The following MGMT variants were observed in gnomAD, a reference collection of about 807,000 sequenced individuals.
MGMT encodes the protein methylated-DNA--protein-cysteine methyltransferase.
MGMT carries 14 observed loss-of-function variants against 15.9 expected under a neutral mutation model. The ratio of observed to expected loss-of-function variants is 0.88; its 90% CI spans 0.58 to 1.37. The LOEUF (loss-of-function observed/expected upper bound fraction) is 1.37. Ranked by LOEUF, MGMT falls within the 40% of genes most tolerant of loss-of-function variation. The pLI is 0.00. For synonymous variants in MGMT, 130 were observed against 118.2 expected, an observed-to-expected ratio of 1.10 and a Z score of -0.65; for missense variants, 282 against 268.1, an observed-to-expected ratio of 1.05 and a Z score of -0.36.
At chr10:129,507,408 C>T (rs1384782499) in intron 1 of MGMT, among the ~76,000 whole-genome samples, 1 of 152,162 alleles carries the variant, frequency 6.6e-6, no homozygotes, top group Non-Finnish European at 1.5e-5. Flanking sequence ...GTGCGGGCCG[C>T]CCTGTGCACA....
rs527635245 is a variant in MGMT, at chr10:129,509,219, T to G, written c.-12-27022T>G. On this transcript the variant is annotated intron_variant, in intron 1 of 4. Transcript: ENST00000651593. ...ACTCAGAAGTGCCTGGAATCTATAT[T>G]GCTTTAAGGTGTGGGATGAAGTTTC... 1.4e-4 allele frequency among the ~76,000 whole-genome samples: 22 copies of G among 152,348 alleles called. No individual in the cohort carries two copies. The South Asian group carries it at 4.6e-3, about 32-fold the overall frequency.
intron 2 of MGMT, among the ~76,000 whole-genome samples, chr10:129,605,790 T>G (rs1846882402): frequency 6.6e-6 from 1 of 152,228 alleles, no homozygotes; most frequent in Admixed American, 6.5e-5. Flanking sequence ...TCTTGCGGGT[T>G]AATTCGGAAT....
intron 4 of MGMT, among the ~76,000 whole-genome samples, chr10:129,764,371 C>T (rs774656864): frequency 1.3e-5 from 2 of 152,230 alleles, no homozygotes; most frequent in Non-Finnish European, 2.9e-5. Context: ...ACGTGTGTAG[C>T]TGGGCCCCAC....
At chr10:129,708,177 C>T (rs1487689996) in intron 3 of MGMT, 134 bp downstream of exon 3, 13 of 1,256,840 alleles carry the variant, frequency 1.0e-5, no homozygotes, top group East Asian at 4.7e-5. Context: ...AGCGTTTGGC[C>T]GAGCTGGAGG....
chr10:129,558,134 G>A (rs1467385231), intron 2 of MGMT, among the ~76,000 whole-genome samples: 2 of 152,186 alleles, frequency 1.3e-5, no homozygotes, highest in African/African-American at 2.4e-5. Flanking sequence ...TGTGGATGGG[G>A]TCGGGGTATT....
chr10:129,733,987 G>T (rs1263015464), intron 3 of MGMT, among the ~76,000 whole-genome samples: 1 of 151,060 alleles, frequency 6.6e-6, no homozygotes, highest in African/African-American at 2.4e-5. Context: ...TTGAAGTCAG[G>T]TAGTGTGATG....
At chr10:129,474,388 G>T (rs553088370) in intron 1 of MGMT, among the ~76,000 whole-genome samples, 9 of 152,312 alleles carry the variant, frequency 5.9e-5, no homozygotes, top group African/African-American at 2.2e-4. Flanking sequence ...CTTCTGGTGA[G>T]AGCGGAGCAG....
intron 3 of MGMT, among the ~76,000 whole-genome samples, chr10:129,712,324 A>G (rs1848241877): frequency 6.6e-6 from 1 of 152,202 alleles, no homozygotes. Context: ...TTCTTTGTAA[A>G]GTGACTGCAA....
intron 2 of MGMT, among the ~76,000 whole-genome samples, chr10:129,623,479 C>A (rs770990756): frequency 4.6e-5 from 7 of 152,132 alleles, no homozygotes; most frequent in Non-Finnish European, 8.8e-5. Flanking sequence ...CCGTGCCTGG[C>A]ATGCATTGCT....
chr10:129,520,872 G>C (rs376172020), intron 1 of MGMT, among the ~76,000 whole-genome samples: 6 of 144,904 alleles, frequency 4.1e-5, no homozygotes, highest in African/African-American at 1.5e-4. Context: ...CGGGTACAGA[G>C]CCCCTACAGT....
chr10:129,645,765 C>T (rs949253053), intron 2 of MGMT, among the ~76,000 whole-genome samples: 3 of 152,174 alleles, frequency 2.0e-5, no homozygotes, highest in Non-Finnish European at 2.9e-5. Context: ...AGGCCAGCGG[C>T]GGTGTTACTT....
At chr10:129,568,828 G>A (rs776076304) in intron 2 of MGMT, among the ~76,000 whole-genome samples, 1 of 151,918 alleles carries the variant, frequency 6.6e-6, no homozygotes, top group Non-Finnish European at 1.5e-5. Flanking sequence ...ACCAGTGCCC[G>A]CCATTTCTTC....
At chr10:129,554,679 A>G (rs1330192172) in intron 2 of MGMT, among the ~76,000 whole-genome samples, 3 of 152,076 alleles carry the variant, frequency 2.0e-5, no homozygotes. Context: ...TTGGCTTCTG[A>G]AATCAAATGT....
chr10:129,563,155 G>T (rs947984426), intron 2 of MGMT, among the ~76,000 whole-genome samples: 7 of 152,172 alleles, frequency 4.6e-5, no homozygotes, highest in Admixed American at 2.6e-4. Context: ...TGTTTTCAGG[G>T]TCGATGTTTT....
chr10:129,603,290 T>C (rs1282561019), intron 2 of MGMT, among the ~76,000 whole-genome samples: 1 of 152,252 alleles, frequency 6.6e-6, no homozygotes, highest in Non-Finnish European at 1.5e-5. Flanking sequence ...GTTGTTTCTC[T>C]GATAGCATGA....
intron 1 of MGMT, among the ~76,000 whole-genome samples, chr10:129,490,849 A>T (rs1845462182): frequency 6.6e-6 from 1 of 152,098 alleles, no homozygotes; most frequent in Non-Finnish European, 1.5e-5. Context: ...ACAGATTTGT[A>T]TGTTTCATTT....
chr10:129,654,123 C>G (rs112186060), intron 2 of MGMT, among the ~76,000 whole-genome samples: 19 of 152,094 alleles, frequency 1.2e-4, no homozygotes, highest in Admixed American at 2.6e-4. Context: ...CTCGCCGACC[C>G]CCGCCTTGCA....
chr10:129,759,421 C>T (rs1035621817), intron 4 of MGMT, 80 bp downstream of exon 4: 1 of 1,594,054 alleles, frequency 6.3e-7, no homozygotes, highest in Non-Finnish European at 8.6e-7. Context: ...CCACGTGTTT[C>T]CTCGGAAGGC....
At chr10:129,505,245 C>G (rs557674992) in intron 1 of MGMT, among the ~76,000 whole-genome samples, 10 of 142,756 alleles carry the variant, frequency 7.0e-5, no homozygotes, top group Middle Eastern at 3.6e-3. Context: ...AGTCCCCCAA[C>G]CCCACTTTTA....
Sources: allele counts gnomAD v4.1 joint callset (sites outside exome capture counted in the v4.1 genomes callset), GRCh38; gene constraint gnomAD v4.1.1; transcripts MANE v1.5; gene names NCBI Gene and HGNC (gene_info 2026-07-23, HGNC 2026-07-21).